The following IQGAP3 variants were observed in gnomAD, a reference collection of about 807,000 sequenced individuals.
IQGAP3 encodes the protein ras GTPase-activating-like protein IQGAP3.
IQGAP3 carries 165 observed loss-of-function variants against 208.2 expected under a neutral mutation model. The observed-to-expected ratio is 0.79, with a 90% confidence interval of 0.70 to 0.90. IQGAP3 has a LOEUF of 0.90. Ranked by LOEUF, IQGAP3 falls within the 40% of genes least tolerant of loss-of-function variation. IQGAP3 has a pLI of 0.00. For synonymous variants in IQGAP3, 703 were observed against 803.6 expected (o/e 0.87, Z 2.12); for missense variants, 1,811 against 2,043.1 (o/e 0.89, Z 2.19).
In IQGAP3 at chr1:156,526,497, A is replaced by G; in HGVS notation, c.4885T>C (p.Leu1629=). 6.2e-7 allele frequency: 1 copy of G among 1,613,510 alleles called. No individual in the cohort carries two copies. The highest frequency in any genetic ancestry group is 1.3e-5 in the African/African-American group (1 of 75,056). Residue 1629 remains leucine, a synonymous_variant, in exon 38 of 38, where the codon TTG becomes CTG. Coordinates refer to ENST00000361170, the MANE Select transcript of IQGAP3 (RefSeq NM_178229.5). ...ACCCTTTGCCTCTGTCACTTCCGCA[A>G]AAACTTCTTGTTGAGGAGGAAGATG... ...LLIFLLNKKF[L]RK
In IQGAP3 at chr1:156,534,499, A is replaced by C; in HGVS notation, c.3740+2T>G. The C allele has an allele frequency of 6.4e-7, 1 of 1,557,878 alleles. No individual in the cohort carries two copies. Among genetic ancestry groups the C allele is most frequent in the Non-Finnish European group, 8.7e-7 (1 of 1,150,610 alleles). On this transcript the variant is annotated splice_donor_variant, in intron 29 of 37. Transcript: ENST00000361170. LOFTEE classifies it high-confidence loss of function. ...GGGACAGAGAGGAAAGGGACCCAAG[A>C]CCTGAACTTGAGGTGTGTTTCCTCC...
intron 13 of IQGAP3, among the ~76,000 whole-genome samples, chr1:156,552,505 T>C (rs1280518297): frequency 6.6e-6 from 1 of 152,216 alleles, no homozygotes; most frequent in African/African-American, 2.4e-5. Context: ...AACCTGCATG[T>C]CCCACCGTCT....
intron 1 of IQGAP3, among the ~76,000 whole-genome samples, chr1:156,570,752 C>T (rs1185803582): frequency 6.6e-6 from 1 of 152,236 alleles, no homozygotes; most frequent in Non-Finnish European, 1.5e-5. Context: ...TCAAGTGATC[C>T]TCCCGCCTTG....
At chr1:156,566,870 T>TTC in intron 2 of IQGAP3, among the ~76,000 whole-genome samples, 1 of 146,250 alleles carries the variant, frequency 6.8e-6, no homozygotes, top group Middle Eastern at 3.5e-3. Flanking sequence ...GCTTTTTTTT[T>TTC]TTTTTTTTTT....
intron 11 of IQGAP3, among the ~76,000 whole-genome samples, chr1:156,559,988 G>A (rs905647120): frequency 2.0e-5 from 3 of 152,300 alleles, no homozygotes; most frequent in Non-Finnish European, 2.9e-5. Context: ...GGAGTGGCCC[G>A]GGGGCTACTG....
rs1414432750 is a variant in IQGAP3 at position 156,554,276 on chromosome 1, AG to A, written c.1406del (p.Pro469LeufsTer21). 1.2e-6 allele frequency: 2 copies of A among 1,613,644 alleles called. No homozygotes were observed. The highest frequency in any genetic ancestry group is 1.7e-6 in the Non-Finnish European group (2 of 1,179,862). ...CTTCCACCTCAGCCAGGCCTGTGGC[AG>A]GGTTCACCAGGCTGCTCCAGAAGCC... The part of the protein sequence containing the change: ...ASGFWSSLVN[P>X]ATGLAEVEGE... On this transcript the variant is annotated frameshift_variant, in exon 13 of 38. Transcript: ENST00000361170. LOFTEE classifies it high-confidence loss of function.
rs749946501 is a variant in IQGAP3, at chr1:156,552,088, C to T, written c.1456G>A (p.Asp486Asn). 1.4e-5 allele frequency: 23 copies of T among 1,613,946 alleles called. No homozygotes were observed. The highest frequency in any genetic ancestry group is 3.3e-4 in the Middle Eastern group (2 of 6,060). The part of the protein sequence containing the change: ...VEGENAQRYF[D>N]ALLKLRQERG... Reference sequence around the variant, plus strand: ...TCCTGTCGCAATTTCAGCAGGGCATCGAAGTAACTGGCAGTGGGGTGAAGG... The same window carrying T: ...TCCTGTCGCAATTTCAGCAGGGCATTGAAGTAACTGGCAGTGGGGTGAAGG... Residue 486 changes from aspartate (D) to asparagine (N), a missense_variant, in exon 14 of 38, where the codon GAT becomes AAT. Coordinates refer to ENST00000361170, the MANE Select transcript of IQGAP3 (RefSeq NM_178229.5).
At position 156,560,959 on chromosome 1, in the gene IQGAP3, G is replaced by T; in HGVS notation, c.1104C>A (p.Asn368Lys). Residue 368 changes from asparagine (N) to lysine (K), a missense_variant, in exon 11 of 38, where the codon AAC (asparagine) becomes AAA (lysine). Coordinates refer to ENST00000361170, the MANE Select transcript of IQGAP3 (RefSeq NM_178229.5). ...EEVQAGVAAA[N>K]TKGDQEQAML... is the part of the protein sequence containing the mutation. Reference sequence around the variant, plus strand: ...TGGCTTGTTCCTGATCACCCTTTGTGTTGGCTGCAGCCACACCAGCCTGGA... The same window carrying T: ...TGGCTTGTTCCTGATCACCCTTTGTTTTGGCTGCAGCCACACCAGCCTGGA... 1.9e-6 allele frequency: 3 copies of T among 1,613,680 alleles called. No individual in the cohort carries two copies. The highest frequency in any genetic ancestry group is 2.5e-6 in the Non-Finnish European group (3 of 1,179,726).
In IQGAP3 at chr1:156,535,187, G is replaced by T; in HGVS notation, c.3483C>A (p.Asp1161Glu). ...CCTTATAGACCTCGCTGTCTGTGGC[G>T]TCAGGGAATTTCTCTGCCAGAGTTG... ...LKATLAEKFP[D>E]ATDSEVYKVV... Residue 1161 changes from aspartate to glutamate, a missense_variant, in exon 28 of 38, where the codon GAC becomes GAA. By Grantham distance (45) the Asp-to-Glu change is conservative. Transcript: ENST00000361170. 6.2e-7 allele frequency: 1 copy of T among 1,613,452 alleles called. No individual in the cohort carries two copies. Among genetic ancestry groups the T allele is most frequent in the Non-Finnish European group, 8.5e-7 (1 of 1,179,594 alleles).
intron 2 of IQGAP3, among the ~76,000 whole-genome samples, 169 bp downstream of exon 2, chr1:156,569,207 G>A (rs536067357): frequency 7.0e-6 from 1 of 142,802 alleles, no homozygotes; most frequent in Non-Finnish European, 1.5e-5. Flanking sequence ...TGGGTAAAAG[G>A]ATGTGACTGG....
At chr1:156,530,418 C>T in intron 33 of IQGAP3, 101 bp from the exon 34 acceptor site, 1 of 926,552 alleles carries the variant, frequency 1.1e-6, no homozygotes, top group Non-Finnish European at 1.6e-6. Context: ...GAGGCCTGAG[C>T]ATTTTTCTGC....
chr1:156,540,045 G>A, intron 23 of IQGAP3, 55 bp from the exon 24 acceptor site: 1 of 1,600,042 alleles, frequency 6.2e-7, no homozygotes, highest in Non-Finnish European at 8.6e-7. Flanking sequence ...CCAGGGCACA[G>A]AACATACGGT....
chr1:156,562,568 C>T lies in IQGAP3; in HGVS notation c.877+19G>A, dbSNP rs764676156. The T allele has an allele frequency of 4.3e-6, 7 of 1,609,948 alleles. 1 individual carries two copies. The South Asian group carries it at 6.6e-5, about 15-fold the overall frequency. ...ACCCTGAGGTCACCCCCAAACCACT[C>T]CTGCTCGAGGTCTCTTACCGTTGAC... On this transcript the variant is annotated intron_variant, in intron 9 of 37. Transcript: ENST00000361170.
In IQGAP3 at chr1:156,572,507, G is replaced by T; in HGVS notation, c.23C>A (p.Pro8Gln). The change falls in exon 1 of 38, where the codon CCA becomes CAA. Residue 8 changes from proline (P) to glutamine (Q), a missense_variant. Physicochemically the swap from Pro to Gln is moderately conservative, Grantham distance 76. Coordinates refer to ENST00000361170, the MANE Select transcript of IQGAP3 (RefSeq NM_178229.5). Reference sequence around the variant, plus strand: ...TCCGCACTCACAGGCTGCCCAGCCTGGGCCCGCTGCTCTCCTCTCCATGTT... The same window carrying T: ...TCCGCACTCACAGGCTGCCCAGCCTTGGCCCGCTGCTCTCCTCTCCATGTT... MERRAAG[P>Q]GWAAYERLTA... 5.0e-6 allele frequency: 8 copies of T among 1,611,868 alleles called. No individual in the cohort carries two copies. The highest frequency in any genetic ancestry group is 6.8e-6 in the Non-Finnish European group (8 of 1,179,958).
At chr1:156,559,522 G>T (rs1210015756) in intron 11 of IQGAP3, among the ~76,000 whole-genome samples, 1 of 152,230 alleles carries the variant, frequency 6.6e-6, no homozygotes, top group Non-Finnish European at 1.5e-5. Flanking sequence ...CATGTTAGAA[G>T]TCCACCTCCC....
intron 34 of IQGAP3, 53 bp downstream of exon 34, chr1:156,530,052 G>A (rs1026199165): frequency 3.6e-5 from 48 of 1,315,796 alleles, no homozygotes; most frequent in South Asian, 2.1e-4. Context: ...GTATATGCAC[G>A]CACACACACA....
chr1:156,537,298 G>T lies in IQGAP3; in HGVS notation c.3305C>A (p.Pro1102Gln). Residue 1102 changes from proline to glutamine, a missense_variant, in exon 27 of 38, where the codon CCG becomes CAG. Coordinates refer to ENST00000361170, the MANE Select transcript of IQGAP3 (RefSeq NM_178229.5). ...CTCGGGGTGGCTCAAGGCCTGCTCC[G>T]GGGTGACATCATATGGGAGATGGCT... ...QRSHLPYDVT[P>Q]EQALSHPEVQ... 1 of 1,613,702 alleles carries T rather than the reference G, an allele frequency of 6.2e-7. No homozygotes were observed. The highest frequency in any genetic ancestry group is 8.5e-7 in the Non-Finnish European group (1 of 1,179,816).
chr1:156,528,974 C>G lies in IQGAP3; in HGVS notation c.4513G>C (p.Gly1505Arg). ...CGGATGTACTGGCTGTAGTAGTCAC[C>G]CTGCTCCTCATAGAAGGTGGTCTTA... Reference protein sequence around the residue: ...STKTTFYEEQGDYYSQYIRAC... With the variant: ...STKTTFYEEQRDYYSQYIRAC... Residue 1505 changes from glycine to arginine, a missense_variant, in exon 35 of 38, where the codon GGT becomes CGT. By Grantham distance (125) the Gly-to-Arg change is moderately radical. Coordinates refer to ENST00000361170, the MANE Select transcript of IQGAP3 (RefSeq NM_178229.5). 6.2e-7 allele frequency: 1 copy of G among 1,614,208 alleles called. No individual in the cohort carries two copies. The highest frequency in any genetic ancestry group is 8.5e-7 in the Non-Finnish European group (1 of 1,180,034).
intron 30 of IQGAP3, 46 bp from the exon 31 acceptor site, chr1:156,533,921 C>T (rs763146128): frequency 1.2e-6 from 2 of 1,603,974 alleles, no homozygotes; most frequent in Non-Finnish European, 1.7e-6. Context: ...TGAGCCAGGT[C>T]TTCCCTCTGG....
Sources: gnomAD v4.1 joint callset for allele counts (sites outside exome capture counted in the v4.1 genomes callset) on GRCh38, gnomAD v4.1.1 for gene constraint, MANE v1.5 for transcripts, NCBI Gene and HGNC (gene_info 2026-07-23, HGNC 2026-07-21) for gene names.